The following WASL variants were observed in gnomAD, a reference collection of about 807,000 sequenced individuals.
WASL encodes the protein WASP like actin nucleation promoting factor.
In WASL, 20 loss-of-function variants were observed where a neutral mutation model predicts 55.5. The ratio of observed to expected loss-of-function variants is 0.36; its 90% CI spans 0.25 to 0.52. The LOEUF (loss-of-function observed/expected upper bound fraction) is 0.52. Ranked by LOEUF, WASL falls within the 20% of genes least tolerant of loss-of-function variation. The pLI is 0.92. For synonymous variants in WASL, 249 were observed against 217.6 expected (o/e 1.14, Z -1.27); for missense variants, 504 against 622.5 (o/e 0.81, Z 2.03).
intron 5 of WASL, among the ~76,000 whole-genome samples, chr7:123,697,210 T>C (rs1239118703): frequency 6.6e-6 from 1 of 152,134 alleles, no homozygotes; most frequent in African/African-American, 2.4e-5. Flanking sequence ...AGAAAAAGGG[T>C]ACTTAAAATT....
At chr7:123,696,807 A>G in intron 5 of WASL, 60 bp from the exon 6 acceptor site, 1 of 1,130,056 alleles carries the variant, frequency 8.8e-7, no homozygotes. Flanking sequence ...ATATACAATC[A>G]TAATTTACAA....
intron 1 of WASL, chr7:123,720,365 G>A: frequency 2.3e-6 from 1 of 427,150 alleles, no homozygotes. Context: ...AAAAAAAGTT[G>A]TTATTCAAGT....
At chr7:123,720,287 TACAC>T (rs551650711) in intron 1 of WASL, 50 of 402,470 alleles carry the variant, frequency 1.2e-4, no homozygotes, top group Admixed American at 1.9e-4. Flanking sequence ...TCAAGAAAAA[TACAC>T]ACTCATTAAA....
At chr7:123,689,404 A>G (rs1055035073) in intron 9 of WASL, among the ~76,000 whole-genome samples, 7 of 152,214 alleles carry the variant, frequency 4.6e-5, no homozygotes, top group African/African-American at 1.4e-4. Context: ...TTACATTCAG[A>G]TAACAAACCC....
rs920275103 is a variant in WASL at position 123,699,019 on chromosome 7, C to T, written c.461-2272G>A. On this transcript the variant is annotated intron_variant, in intron 5 of 10. Transcript: ENST00000223023. ...AACACTATCCACAATAAGGATGCTACAAATTACTTTGTTTCTTATCTTTAT... is the reference window on the plus strand; with the variant it reads ...AACACTATCCACAATAAGGATGCTATAAATTACTTTGTTTCTTATCTTTAT... Among the ~76,000 whole-genome samples the T allele has an allele frequency of 4.1e-4, 63 of 152,242 alleles. 1 individual carries two copies. The highest frequency in any genetic ancestry group is 1.4e-3 in the African/African-American group (57 of 41,534).
At position 123,709,120 on chromosome 7, in the gene WASL, C is replaced by A. The variant is rs1384042654; in HGVS notation, c.221G>T (p.Arg74Ile). The change falls in exon 2 of 11, where the codon AGA (arginine) becomes ATA (isoleucine). Residue 74 changes from arginine to isoleucine, a missense_variant. Physicochemically the swap from Arg to Ile is moderately conservative, Grantham distance 97. Transcript: ENST00000223023. ...VACLVKDNPQ[R>I]SYFLRIFDIK... The stretch of plus-strand genomic sequence containing the variant: ...GTCAAATATTCTTAAAAAATAAGAT[C>A]TCTGTGGATTGTCCTTAACAAGACA... The A allele has an allele frequency of 1.9e-6, 3 of 1,609,540 alleles. No individual in the cohort carries two copies. Among genetic ancestry groups the A allele is most frequent in the Non-Finnish European group, 8.5e-7 (1 of 1,177,614 alleles).
At chr7:123,725,187 T>C (rs1464870825) in intron 1 of WASL, among the ~76,000 whole-genome samples, 1 of 152,224 alleles carries the variant, frequency 6.6e-6, no homozygotes, top group Non-Finnish European at 1.5e-5. Flanking sequence ...TGAACAATTT[T>C]GTGGTTTTCA....
intron 1 of WASL, among the ~76,000 whole-genome samples, chr7:123,715,051 A>G (rs547880361): frequency 3.0e-4 from 45 of 152,336 alleles, no homozygotes; most frequent in Non-Finnish European, 5.3e-4. Flanking sequence ...AATACAAAAC[A>G]CAGCTCAATT....
intron 5 of WASL, among the ~76,000 whole-genome samples, chr7:123,698,160 A>G (rs1483250163): frequency 6.6e-6 from 1 of 152,024 alleles, no homozygotes; most frequent in Non-Finnish European, 1.5e-5. Context: ...GTACAGCTAT[A>G]TATTAAGTCC....
intron 1 of WASL, among the ~76,000 whole-genome samples, chr7:123,745,254 A>G (rs1804412151): frequency 6.6e-6 from 1 of 152,098 alleles, no homozygotes; most frequent in African/African-American, 2.4e-5. Context: ...TTTCACCTGC[A>G]ATACTATAAA....
chr7:123,729,197 C>T (rs573864552), intron 1 of WASL, among the ~76,000 whole-genome samples: 5 of 152,200 alleles, frequency 3.3e-5, no homozygotes, highest in African/African-American at 1.2e-4. Context: ...ATTTTATATA[C>T]TGAATATATT....
rs190264569 is a variant in WASL at position 123,725,339 on chromosome 7, G to A, written c.118-16116C>T. Among the ~76,000 whole-genome samples, 174 of 152,218 alleles carry A rather than the reference G, an allele frequency of 1.1e-3. 1 individual carries two copies. Among genetic ancestry groups the A allele is most frequent in the Non-Finnish European group, 1.8e-3 (125 of 68,000 alleles). ...TACTGTGCTATGAAAATACGGAACA[G>A]ACTTTTAAACTCAAGATGCTAATAA... On this transcript the variant is annotated intron_variant, in intron 1 of 10. Transcript: ENST00000223023.
intron 5 of WASL, among the ~76,000 whole-genome samples, chr7:123,700,422 C>T (rs1803568564): frequency 7.0e-6 from 1 of 141,994 alleles, no homozygotes; most frequent in African/African-American, 2.7e-5. Flanking sequence ...TAGTCCACTA[C>T]CCTTCCAATT....
intron 1 of WASL, among the ~76,000 whole-genome samples, chr7:123,716,559 A>G (rs892491214): frequency 2.0e-5 from 3 of 151,822 alleles, no homozygotes; most frequent in Non-Finnish European, 2.9e-5. Flanking sequence ...AAAGTTTAAC[A>G]TTACTAGTGG....
intron 1 of WASL, among the ~76,000 whole-genome samples, chr7:123,709,880 T>G (rs537327292): frequency 6.6e-6 from 1 of 152,162 alleles, no homozygotes; most frequent in African/African-American, 2.4e-5. Flanking sequence ...GCAGTTTTAA[T>G]GCTATACTGA....
At chr7:123,692,226 G>T in intron 9 of WASL, 121 bp downstream of exon 9, 1 of 1,340,906 alleles carries the variant, frequency 7.5e-7, no homozygotes, top group Non-Finnish European at 1.0e-6. Context: ...AATTTATAGG[G>T]TTAAGAATGA....
At chr7:123,689,186 T>C (rs1803353552) in intron 9 of WASL, 36 bp from the exon 10 acceptor site, 1 of 1,553,606 alleles carries the variant, frequency 6.4e-7, no homozygotes, top group African/African-American at 1.4e-5. Context: ...CAGTAATAAA[T>C]CTTTAGCCAA....
chr7:123,692,786 G>C lies in WASL; in HGVS notation c.908C>G (p.Pro303Arg), dbSNP rs749422548. ...PPHNSGPPPP[P>R]ARGRGAPPPP... is the part of the protein sequence containing the mutation. ...GGGAGGAGCGCCTCTTCCCCTAGCA[G>C]GAGGAGGAGGAGGACCTGAGTTGTG... Residue 303 changes from proline to arginine, a missense_variant, in exon 9 of 11, where the codon CCT (proline) becomes CGT (arginine). Physicochemically the swap from Pro to Arg is moderately radical, Grantham distance 103. Transcript: ENST00000223023. The C allele has an allele frequency of 7.0e-7, 1 of 1,436,938 alleles. No homozygotes were observed. The highest frequency in any genetic ancestry group is 1.8e-5 in the South Asian group (1 of 56,660). The allele number at this position is 1,436,938 out of a possible 1,614,324, so 89.0% of individuals were successfully genotyped here.
intron 9 of WASL, among the ~76,000 whole-genome samples, chr7:123,692,077 G>A (rs562933017): frequency 6.6e-6 from 1 of 152,202 alleles, no homozygotes; most frequent in African/African-American, 2.4e-5. Flanking sequence ...AAATTAACTG[G>A]GAAGAGGTAT....
Sources: allele counts gnomAD v4.1 joint callset (sites outside exome capture counted in the v4.1 genomes callset), GRCh38; gene constraint gnomAD v4.1.1; transcripts MANE v1.5; gene names NCBI Gene and HGNC (gene_info 2026-07-23, HGNC 2026-07-21).